The following SEMA3C variants were observed in gnomAD, a reference collection of about 807,000 sequenced individuals.
SEMA3C encodes semaphorin-3C.
SEMA3C carries 47 observed loss-of-function variants against 89.4 expected under a neutral mutation model. The observed-to-expected ratio is 0.53, with a 90% CI of 0.42 to 0.67. The LOEUF (loss-of-function observed/expected upper bound fraction) is 0.67, where lower values mean the gene tolerates loss of function less well. SEMA3C is among the 30% of genes least tolerant of loss of function. The probability of loss-of-function intolerance (pLI) is 0.00; values close to 1 mark genes in which losing one functional copy is unlikely to be tolerated. For missense variants in SEMA3C, 839 were observed against 929.1 expected, an observed-to-expected ratio of 0.90 and a Z score of 1.26; for synonymous variants, 310 against 320.2, an observed-to-expected ratio of 0.97 and a Z score of 0.34.
chr7:80,901,491 T>C (rs1485428316), intron 2 of SEMA3C, among the ~76,000 whole-genome samples: 1 of 152,246 alleles, frequency 6.6e-6, no homozygotes, highest in Non-Finnish European at 1.5e-5. Flanking sequence ...TACTTGTCAG[T>C]TACTTCACTG....
At chr7:80,794,327 T>C (rs375541128) in intron 11 of SEMA3C, among the ~76,000 whole-genome samples, 1 of 152,168 alleles carries the variant, frequency 6.6e-6, no homozygotes, top group East Asian at 1.9e-4. Flanking sequence ...CTCTAAACTT[T>C]AATAATATTT....
intron 2 of SEMA3C, among the ~76,000 whole-genome samples, chr7:80,888,207 G>A (rs541248601): frequency 6.6e-6 from 1 of 151,806 alleles, no homozygotes; most frequent in East Asian, 2.0e-4. Context: ...GAGCTCAGGA[G>A]TTGGAGACTA....
chr7:80,858,854 G>T (rs181513005), intron 2 of SEMA3C, among the ~76,000 whole-genome samples: 1 of 152,202 alleles, frequency 6.6e-6, no homozygotes, highest in East Asian at 1.9e-4. Context: ...TGAATTCGAG[G>T]TAATTCTCCA....
intron 12 of SEMA3C, among the ~76,000 whole-genome samples, chr7:80,769,859 C>G (rs1205249471): frequency 1.6e-4 from 16 of 98,928 alleles, no homozygotes; most frequent in Non-Finnish European, 8.0e-5. Flanking sequence ...ACTCTGTCCC[C>G]CCCCCAAAAA....
At chr7:80,901,453 C>T (rs1250970640) in intron 2 of SEMA3C, among the ~76,000 whole-genome samples, 2 of 152,192 alleles carry the variant, frequency 1.3e-5, no homozygotes, top group African/African-American at 4.8e-5. Flanking sequence ...TGATATTTTA[C>T]ACCTGCAACT....
At chr7:80,900,573 C>G (rs571989832) in intron 2 of SEMA3C, among the ~76,000 whole-genome samples, 1 of 152,342 alleles carries the variant, frequency 6.6e-6, no homozygotes, top group South Asian at 2.1e-4. Flanking sequence ...CCATGAGTTA[C>G]ATGGCTAGTA....
chr7:80,809,437 C>A (rs1789416139), intron 6 of SEMA3C, among the ~76,000 whole-genome samples: 1 of 152,084 alleles, frequency 6.6e-6, no homozygotes, highest in Admixed American at 6.6e-5. Context: ...TGGATATATA[C>A]CCAGAAGAGG....
At chr7:80,864,798 T>G (rs1265857466) in intron 2 of SEMA3C, among the ~76,000 whole-genome samples, 1 of 152,198 alleles carries the variant, frequency 6.6e-6, no homozygotes, top group East Asian at 1.9e-4. Flanking sequence ...TTCTTGATTT[T>G]TCAAAGTTTC....
At chr7:80,865,672 G>C (rs1477990990) in intron 2 of SEMA3C, among the ~76,000 whole-genome samples, 1 of 152,088 alleles carries the variant, frequency 6.6e-6, no homozygotes, top group Non-Finnish European at 1.5e-5. Flanking sequence ...GTGGGCACCT[G>C]TAATATCAGC....
At chr7:80,898,450 T>C (rs961339852) in intron 2 of SEMA3C, among the ~76,000 whole-genome samples, 5 of 152,276 alleles carry the variant, frequency 3.3e-5, no homozygotes, top group South Asian at 4.1e-4. Context: ...TAACACTGAA[T>C]TCCATATATA....
chr7:80,797,825 C>T (rs905102259), intron 11 of SEMA3C, among the ~76,000 whole-genome samples: 2 of 152,138 alleles, frequency 1.3e-5, no homozygotes, highest in African/African-American at 4.8e-5. Context: ...TGGTGAAACC[C>T]TGTCTCTACT....
intron 12 of SEMA3C, among the ~76,000 whole-genome samples, chr7:80,786,152 A>G (rs1788797191): frequency 1.3e-5 from 2 of 152,196 alleles, no homozygotes; most frequent in South Asian, 2.1e-4. Flanking sequence ...CACTACAATT[A>G]AAAACATATG....
intron 2 of SEMA3C, among the ~76,000 whole-genome samples, chr7:80,912,038 A>T (rs953747914): frequency 6.6e-6 from 1 of 152,090 alleles, no homozygotes; most frequent in African/African-American, 2.4e-5. Flanking sequence ...TTTGCTCCCA[A>T]TTGTAGGAAC....
intron 2 of SEMA3C, among the ~76,000 whole-genome samples, chr7:80,842,182 G>A (rs890995404): frequency 6.6e-6 from 1 of 152,136 alleles, no homozygotes; most frequent in Non-Finnish European, 1.5e-5. Flanking sequence ...CACAAAGGAT[G>A]CAACCATGTT....
chr7:80,748,669 CTT>C (rs1041915959), intron 17 of SEMA3C, among the ~76,000 whole-genome samples: 1 of 152,146 alleles, frequency 6.6e-6, no homozygotes, highest in African/African-American at 2.4e-5. Flanking sequence ...CACCCAAGCT[CTT>C]GTTTCAATCA....
intron 2 of SEMA3C, among the ~76,000 whole-genome samples, chr7:80,863,901 T>TG (rs1562912165): frequency 2.5e-5 from 3 of 119,920 alleles, no homozygotes; most frequent in East Asian, 4.6e-4. Context: ...CACACATATA[T>TG]TACATATATA....
intron 2 of SEMA3C, among the ~76,000 whole-genome samples, chr7:80,873,479 G>A (rs1167141454): frequency 6.6e-6 from 1 of 152,126 alleles, no homozygotes; most frequent in Non-Finnish European, 1.5e-5. Flanking sequence ...TGGATTTCTG[G>A]ATTCTCTTAA....
intron 2 of SEMA3C, among the ~76,000 whole-genome samples, chr7:80,876,009 T>C (rs889231948): frequency 2.0e-5 from 3 of 152,106 alleles, no homozygotes; most frequent in African/African-American, 7.2e-5. Context: ...CCACCGTGCA[T>C]GATAACTACT....
chr7:80,750,431 CGTACATATATATATATATATAT>C (rs1787897623), intron 16 of SEMA3C, among the ~76,000 whole-genome samples: 1 of 73,314 alleles, frequency 1.4e-5, no homozygotes, highest in South Asian at 5.4e-4. Flanking sequence ...TACATACATA[CGTACATATATATATATATATAT>C]ATATATATAT....
Sources: allele counts gnomAD v4.1 joint callset (sites outside exome capture counted in the v4.1 genomes callset), GRCh38; gene constraint gnomAD v4.1.1; transcripts MANE v1.5; gene names NCBI Gene and HGNC (gene_info 2026-07-23, HGNC 2026-07-21).